Variants in TTC7B observed in about 807,000 individuals in gnomAD.
TTC7B encodes the protein tetratricopeptide repeat domain 7B.
TTC7B carries 28 observed loss-of-function variants against 106.8 expected under a neutral mutation model. That is an observed-to-expected ratio of 0.26 (90% CI 0.19 to 0.36). TTC7B has a LOEUF of 0.36. Among genes scored for constraint, TTC7B ranks in the 10% least tolerant of loss-of-function variants. The probability of loss-of-function intolerance (pLI) is 1.00; values close to 1 mark genes in which losing one functional copy is unlikely to be tolerated. For missense variants in TTC7B, 862 were observed against 1,076.4 expected, an observed-to-expected ratio of 0.80 and a Z score of 2.79; for synonymous variants, 405 against 430.6, an observed-to-expected ratio of 0.94 and a Z score of 0.74.
intron 5 of TTC7B, among the ~76,000 whole-genome samples, chr14:90,711,934 A>G (rs1272847864): frequency 6.6e-6 from 1 of 152,224 alleles, no homozygotes; most frequent in Non-Finnish European, 1.5e-5. Context: ...GTATGTATAC[A>G]ATCCATTCAA....
At chr14:90,593,767 G>C (rs924675814) in intron 17 of TTC7B, 141 bp from the exon 18 acceptor site, 4 of 858,216 alleles carry the variant, frequency 4.7e-6, no homozygotes, top group African/African-American at 1.7e-5. Context: ...ACAGAGAAAC[G>C]CGGGCAATCA....
At chr14:90,698,288 C>G (rs1887843715) in intron 5 of TTC7B, 1 of 152,104 alleles carries the variant, frequency 6.6e-6, no homozygotes, top group Non-Finnish European at 1.5e-5. Flanking sequence ...AATTCTATTC[C>G]AAATGCTATG....
At chr14:90,569,519 G>C (rs555064618) in intron 19 of TTC7B, 1 of 152,242 alleles carries the variant, frequency 6.6e-6, no homozygotes, top group Non-Finnish European at 1.5e-5. Context: ...CTCTGTGGAG[G>C]AGGGCAAGAG....
Position 90,524,684 on chromosome 14 carries a change from C to A in TTC7B, c.*16684G>T, listed in dbSNP as rs1889105809. ...CTGGAGTGGCCTCGCACCGTCCATC[C>A]CCGGAGGGGCAGTAGCCTGGGCCCT... On this transcript the variant is annotated 3_prime_UTR_variant, in exon 20 of 20. Transcript: ENST00000328459. 1 of 152,290 alleles carries A rather than the reference C, an allele frequency of 6.6e-6. No individual in the cohort carries two copies. The highest frequency in any genetic ancestry group is 2.1e-4 in the South Asian group (1 of 4,834). 9.4% of individuals were successfully genotyped at this position (152,290 alleles called of 1,614,324 possible).
At position 90,534,000 on chromosome 14, in the gene TTC7B, T is replaced by C; in HGVS notation, c.*7368A>G. On this transcript the variant is annotated 3_prime_UTR_variant, in exon 20 of 20. Transcript: ENST00000328459. Reference sequence around the variant, plus strand: ...TCTGACAGCTGCCTGCAGACTCACATCTCAGCCCAGAAGGCAGGCTGGGCA... The same window carrying C: ...TCTGACAGCTGCCTGCAGACTCACACCTCAGCCCAGAAGGCAGGCTGGGCA... 1 of 152,272 alleles carries C rather than the reference T, an allele frequency of 6.6e-6. No individual in the cohort carries two copies. Among genetic ancestry groups the C allele is most frequent in the East Asian group, 1.9e-4 (1 of 5,184 alleles). The allele number at this position is 152,272 out of a possible 1,614,324, so 9.4% of individuals were successfully genotyped here.
chr14:90,626,488 G>A (rs372289088), intron 15 of TTC7B, among the ~76,000 whole-genome samples: 6 of 152,086 alleles, frequency 3.9e-5, no homozygotes, highest in African/African-American at 1.4e-4. Context: ...ACCCACTGAG[G>A]GGGTACCATT....
chr14:90,578,361 G>C lies in TTC7B; in HGVS notation c.2108-53C>G. 1 of 1,562,918 alleles carries C rather than the reference G, an allele frequency of 6.4e-7. No homozygotes were observed. The highest frequency in any genetic ancestry group is 8.7e-7 in the Non-Finnish European group (1 of 1,146,724). On this transcript the variant is annotated intron_variant, in intron 18 of 19. Transcript: ENST00000328459. This position sits in a 1 kb window ranked among gnomAD's most constrained non-coding sequence, Gnocchi z 4.7. ...TTTCCTGGTGCCCCTCTGAGGCCCT[G>C]CGAGCAGCCACCACTCTGATGTTCG...
At chr14:90,662,915 A>C (rs1886265614) in intron 9 of TTC7B, among the ~76,000 whole-genome samples, 1 of 152,230 alleles carries the variant, frequency 6.6e-6, no homozygotes, top group South Asian at 2.1e-4. Context: ...TATATCAGAA[A>C]TAAATATCTT....
intron 17 of TTC7B, among the ~76,000 whole-genome samples, chr14:90,606,308 C>T (rs763764362): frequency 3.9e-5 from 6 of 152,040 alleles, no homozygotes; most frequent in Non-Finnish European, 8.8e-5. Flanking sequence ...GGAAAAAAGC[C>T]GGTATGGCTG....
chr14:90,583,978 C>G (rs1338148516), intron 18 of TTC7B, among the ~76,000 whole-genome samples: 1 of 152,184 alleles, frequency 6.6e-6, no homozygotes, highest in African/African-American at 2.4e-5. Context: ...GCCCAGGACC[C>G]CCCAGAAACC....
At chr14:90,668,672 G>T (rs532207673) in intron 9 of TTC7B, among the ~76,000 whole-genome samples, 1 of 152,072 alleles carries the variant, frequency 6.6e-6, no homozygotes, top group African/African-American at 2.4e-5. Context: ...CAGGTTCAGC[G>T]AGGTAATGGA....
chr14:90,695,578 C>A lies in TTC7B; in HGVS notation c.699G>T (p.Gly233=). ...QRAHVLYFKN[G]NLTRGVGRFR... ...ATCTTCCGACTCCTCTTGTCAAGTT[C>A]CTGTGTGGACACAGAATTTGACGGT... The change falls in exon 6 of 20, where the codon GGG becomes GGT. Residue 233 remains glycine (G), a splice_region_variant and synonymous_variant. Transcript: ENST00000328459. 1.9e-6 allele frequency: 3 copies of A among 1,589,792 alleles called. No homozygotes were observed. The highest frequency in any genetic ancestry group is 2.3e-5 in the South Asian group (2 of 87,392).
In TTC7B at chr14:90,657,560, A is replaced by C. The variant is rs778635324; in HGVS notation, c.1237-282T>G. On this transcript the variant is annotated intron_variant, in intron 10 of 19. Coordinates refer to ENST00000328459, the MANE Select transcript of TTC7B (RefSeq NM_001010854.2). The surrounding 1 kb of genome is among the most constrained non-coding windows in gnomAD (Gnocchi z 4.2). ...TTGGAAAATTAAGAAAAACATAAAGATGGTGGAAGTTTGTTCTTATAAAAG... is the reference window on the plus strand; with the variant it reads ...TTGGAAAATTAAGAAAAACATAAAGCTGGTGGAAGTTTGTTCTTATAAAAG... 2 of 269,216 alleles carry C rather than the reference A, an allele frequency of 7.4e-6. No individual in the cohort carries two copies. Among genetic ancestry groups the C allele is most frequent in the Non-Finnish European group, 1.4e-5 (2 of 142,398 alleles). 16.7% of individuals were successfully genotyped at this position (269,216 alleles called of 1,614,324 possible). A position where few individuals can be genotyped will look rare whatever the true frequency, so the allele number is the denominator to read the frequency against.
At chr14:90,788,207 C>T (rs1416195532) in intron 1 of TTC7B, among the ~76,000 whole-genome samples, 1 of 152,174 alleles carries the variant, frequency 6.6e-6, no homozygotes, top group Middle Eastern at 3.4e-3. Context: ...GCATCCAATG[C>T]CAGAAGACAA....
intron 9 of TTC7B, among the ~76,000 whole-genome samples, chr14:90,659,545 TG>T (rs1324388781): frequency 2.0e-5 from 3 of 151,162 alleles, no homozygotes; most frequent in African/African-American, 7.3e-5. Flanking sequence ...AAAAGGGATC[TG>T]GAAAGGAGGG....
Position 90,676,708 on chromosome 14 carries a change from T to G in TTC7B, c.1015-48A>C, listed in dbSNP as rs190850090. 29 of 1,596,798 alleles carry G rather than the reference T, an allele frequency of 1.8e-5. No homozygotes were observed. The African/African-American group carries it at 3.6e-4, about 20-fold the overall frequency. On this transcript the variant is annotated intron_variant, in intron 8 of 19. Transcript: ENST00000328459. ...AGCAGATGGAGAGAGAACCTAGTGCTGCATGGCGGGGAGTCCACCTAGGCC... is the reference window on the plus strand; with the variant it reads ...AGCAGATGGAGAGAGAACCTAGTGCGGCATGGCGGGGAGTCCACCTAGGCC...
chr14:90,765,745 G>A (rs557573793), intron 3 of TTC7B, among the ~76,000 whole-genome samples: 3 of 152,310 alleles, frequency 2.0e-5, no homozygotes, highest in African/African-American at 7.2e-5. Context: ...GCAGGAGCTA[G>A]GGTGGGCAAA....
rs1884243754 is a variant in TTC7B, at chr14:90,622,349, C to T, written c.1752-4304G>A. ...GGGCAGGCTGGCCTTGAACTCCTGA[C>T]CTCAAGTGATCTACCTGCCTCGGCC... is the stretch of plus-strand genomic sequence containing the variant. On this transcript the variant is annotated intron_variant, in intron 15 of 19. Coordinates refer to ENST00000328459, the MANE Select transcript of TTC7B (RefSeq NM_001010854.2). Among the ~76,000 whole-genome samples, 3 of 151,938 alleles carry T rather than the reference C, an allele frequency of 2.0e-5. No individual in the cohort carries two copies. In the South Asian group the frequency reaches 6.2e-4, roughly 32 times the overall value.
At chr14:90,774,529 G>A (rs1271210018) in intron 3 of TTC7B, among the ~76,000 whole-genome samples, 1 of 152,162 alleles carries the variant, frequency 6.6e-6, no homozygotes, top group African/African-American at 2.4e-5. Context: ...ACTTGGATTT[G>A]CACTGCCCCC....
Sources: allele counts gnomAD v4.1 joint callset (sites outside exome capture counted in the v4.1 genomes callset), GRCh38; gene constraint gnomAD v4.1.1; non-coding constraint Gnocchi (gnomAD v3.1); transcripts MANE v1.5; gene names NCBI Gene and HGNC (gene_info 2026-07-23, HGNC 2026-07-21).